The following EPRS1 variants were observed in gnomAD, a reference collection of about 807,000 sequenced individuals.
EPRS1 encodes the protein glutamyl-prolyl-tRNA synthetase 1, also known as bifunctional glutamate/proline--tRNA ligase.
EPRS1 carries 107 observed loss-of-function variants against 188.3 expected under a neutral mutation model. The ratio of observed to expected loss-of-function variants is 0.57; its 90% confidence interval spans 0.49 to 0.67. The LOEUF (loss-of-function observed/expected upper bound fraction) is 0.67. Ranked by LOEUF, EPRS1 falls within the 30% of genes least tolerant of loss-of-function variation. The pLI, the probability that EPRS1 is intolerant of heterozygous loss-of-function variation, is 0.00. For synonymous variants in EPRS1, 596 were observed against 593.1 expected, an observed-to-expected ratio of 1.00 and a Z score of -0.07; for missense variants, 1,577 against 1,802.2, an observed-to-expected ratio of 0.88 and a Z score of 2.26.
At chr1:220,040,077 C>T in intron 2 of EPRS1, 108 bp downstream of exon 2, 1 of 703,420 alleles carries the variant, frequency 1.4e-6, no homozygotes. Flanking sequence ...GTACAGTGAG[C>T]TATGATCATG....
intron 1 of EPRS1, 55 bp downstream of exon 1, chr1:220,046,288 C>T: frequency 6.2e-7 from 1 of 1,610,242 alleles, no homozygotes; most frequent in Non-Finnish European, 8.5e-7. Context: ...CTTCCACGCC[C>T]TGCACCCTCC....
rs1200211800 is a variant in EPRS1, at chr1:219,983,209, C to T, written c.3280G>A (p.Val1094Ile). The T allele has an allele frequency of 1.9e-6, 3 of 1,613,914 alleles. No homozygotes were observed. Among genetic ancestry groups the T allele is most frequent in the Non-Finnish European group, 8.5e-7 (1 of 1,179,866 alleles). ...QSALEKEKTH[V>I]ADFAPEVAWV... Reference sequence around the variant, plus strand: ...CTTACCTCTGGGGCAAAGTCAGCAACATGAGTCTTCTCTTTCTCTAATGCA... The same window carrying T: ...CTTACCTCTGGGGCAAAGTCAGCAATATGAGTCTTCTCTTTCTCTAATGCA... The change falls in exon 22 of 32, where the codon GTT (valine) becomes ATT (isoleucine). Residue 1094 changes from valine to isoleucine, a missense_variant. Around this residue, in one of 3 missense-constraint regions of EPRS1, gnomAD observed 1,278 missense variants for 1,457.4 expected, o/e 0.88. Coordinates refer to ENST00000366923, the MANE Select transcript of EPRS1 (RefSeq NM_004446.3).
chr1:220,023,515 G>A (rs919136813), intron 8 of EPRS1, among the ~76,000 whole-genome samples: 1 of 152,140 alleles, frequency 6.6e-6, no homozygotes, highest in Admixed American at 6.5e-5. Context: ...AGAAAGATAT[G>A]CTCTTCAGTC....
At chr1:219,985,607 G>A (rs1471086095) in intron 20 of EPRS1, among the ~76,000 whole-genome samples, 1 of 151,882 alleles carries the variant, frequency 6.6e-6, no homozygotes, top group East Asian at 1.9e-4. Flanking sequence ...GCTTTGACAT[G>A]TTGGCCAGGC....
At chr1:220,031,733 C>T (rs781058670) in intron 5 of EPRS1, among the ~76,000 whole-genome samples, 2 of 152,134 alleles carry the variant, frequency 1.3e-5, no homozygotes, top group Non-Finnish European at 2.9e-5. Context: ...CATTTTCCTA[C>T]AGAACCAATG....
chr1:220,043,317 A>C (rs760444499), intron 1 of EPRS1, among the ~76,000 whole-genome samples: 1 of 152,216 alleles, frequency 6.6e-6, no homozygotes, highest in Non-Finnish European at 1.5e-5. Flanking sequence ...AAACAAAATA[A>C]TTTTAAATAG....
chr1:219,994,603 T>C (rs1661191242), intron 18 of EPRS1, among the ~76,000 whole-genome samples: 1 of 151,268 alleles, frequency 6.6e-6, no homozygotes, highest in African/African-American at 2.4e-5. Flanking sequence ...TGTAATGCGA[T>C]GTTTTTGAGA....
At chr1:220,035,418 C>CTGGG (rs1662159328) in intron 2 of EPRS1, among the ~76,000 whole-genome samples, 1 of 152,178 alleles carries the variant, frequency 6.6e-6, no homozygotes, top group African/African-American at 2.4e-5. Flanking sequence ...TCCCAAAGTG[C>CTGGG]TGGGATTAGA....
Position 219,973,235 on chromosome 1 carries a change from T to C in EPRS1, c.4244+3A>G. 2 of 1,610,832 alleles carry C rather than the reference T, an allele frequency of 1.2e-6. No individual in the cohort carries two copies. The highest frequency in any genetic ancestry group is 1.7e-6 in the Non-Finnish European group (2 of 1,178,174). On this transcript the variant is annotated splice_donor_region_variant and intron_variant, in intron 29 of 31. Coordinates refer to ENST00000366923, the MANE Select transcript of EPRS1 (RefSeq NM_004446.3). ...AGAGACATAAGCAATTTTAAGAAAC[T>C]ACCTTGTGAAAAGGGTGACCTGGAT...
chr1:220,037,554 T>G (rs1662208388), intron 2 of EPRS1, among the ~76,000 whole-genome samples: 1 of 147,928 alleles, frequency 6.8e-6, no homozygotes, highest in African/African-American at 2.5e-5. Context: ...AGGTGACAAC[T>G]TAGAAAAATA....
chr1:220,010,578 G>A (rs868503935), intron 13 of EPRS1, among the ~76,000 whole-genome samples: 4 of 152,102 alleles, frequency 2.6e-5, no homozygotes, highest in South Asian at 4.2e-4. Context: ...TTGGGAGGCC[G>A]ACGCAGGCAG....
At chr1:219,969,675 T>C (rs1660628268) in intron 30 of EPRS1, among the ~76,000 whole-genome samples, 1 of 151,242 alleles carries the variant, frequency 6.6e-6, no homozygotes, top group Admixed American at 6.6e-5. Flanking sequence ...AACCTTTCAA[T>C]TTTTCATTCT....
chr1:220,035,600 G>C (rs559703693), intron 2 of EPRS1, among the ~76,000 whole-genome samples: 1 of 152,150 alleles, frequency 6.6e-6, no homozygotes, highest in South Asian at 2.1e-4. Context: ...AGGCCAAGAC[G>C]GGCAGATCAC....
Position 219,982,848 on chromosome 1 carries a change from G to C in EPRS1, c.3301-4C>G. On this transcript the variant is annotated splice_region_variant and splice_polypyrimidine_tract_variant and intron_variant, in intron 22 of 31. Transcript: ENST00000366923. ...CAGATCTTGTAACCCAAGCAACCTA[G>C]TAAGAAAAAATCATTTTTCATACTT... 1 of 1,613,274 alleles carries C rather than the reference G, an allele frequency of 6.2e-7. No homozygotes were observed. Among genetic ancestry groups the C allele is most frequent in the Non-Finnish European group, 8.5e-7 (1 of 1,179,376 alleles).
chr1:220,044,895 T>A (rs1362753146), intron 1 of EPRS1, among the ~76,000 whole-genome samples: 1 of 152,108 alleles, frequency 6.6e-6, no homozygotes, highest in Non-Finnish European at 1.5e-5. Context: ...AAACCAAATG[T>A]CTTTGCTCTC....
At position 220,034,529 on chromosome 1, in the gene EPRS1, G is replaced by C. The variant is rs79261263; in HGVS notation, c.231+385C>G. ...TACACTTAGAAAGAAAAGAAAATGG[G>C]ATCCAAACTATGCGTGTTACCCTGT... On this transcript the variant is annotated intron_variant, in intron 3 of 31. Coordinates refer to ENST00000366923, the MANE Select transcript of EPRS1 (RefSeq NM_004446.3). 5.1e-3 allele frequency among the ~76,000 whole-genome samples: 775 copies of C among 152,248 alleles called. 7 individuals are homozygous for C. The highest frequency in any genetic ancestry group is 0.018 in the African/African-American group (752 of 41,542).
rs1204506004 is a variant in EPRS1, at chr1:219,997,057, T to A, written c.2467A>T (p.Ser823Cys). Reference protein sequence around the residue: ...SSNSSASILESKSLYDEVAAQ... With the variant: ...SSNSSASILECKSLYDEVAAQ... The stretch of plus-strand genomic sequence containing the variant: ...GCAACTTCATCATACAGAGATTTAC[T>A]TTCCAGAATACTTGCTGAGGAATTA... Residue 823 changes from serine (S) to cysteine (C), a missense_variant, in exon 18 of 32, where the codon AGT becomes TGT. By Grantham distance (112) the Ser-to-Cys change is moderately radical (BLOSUM62 -1). This residue lies in a region of EPRS1 where 1,278 missense variants were observed against 1,457.4 expected (regional missense o/e 0.88). Coordinates refer to ENST00000366923, the MANE Select transcript of EPRS1 (RefSeq NM_004446.3). The A allele has an allele frequency of 5.0e-6, 8 of 1,613,800 alleles. No individual in the cohort carries two copies. The highest frequency in any genetic ancestry group is 1.3e-5 in the African/African-American group (1 of 74,930).
intron 2 of EPRS1, among the ~76,000 whole-genome samples, chr1:220,039,314 C>A (rs564651611): frequency 6.6e-6 from 1 of 152,246 alleles, no homozygotes; most frequent in East Asian, 1.9e-4. Flanking sequence ...AATTAAATAA[C>A]CCTGCCTCAT....
intron 18 of EPRS1, among the ~76,000 whole-genome samples, chr1:219,990,507 G>C (rs943648600): frequency 5.9e-5 from 9 of 152,104 alleles, no homozygotes; most frequent in Admixed American, 2.0e-4. Flanking sequence ...ACAACCCTTA[G>C]AGAAGTTGTC....
Sources: allele counts gnomAD v4.1 joint callset (sites outside exome capture counted in the v4.1 genomes callset), GRCh38; gene constraint gnomAD v4.1.1; regional missense constraint gnomAD v4.1.1; transcripts MANE v1.5; gene names NCBI Gene and HGNC (gene_info 2026-07-23, HGNC 2026-07-21).